The following MYO5A variants were observed in gnomAD, a reference collection of about 807,000 sequenced individuals.
MYO5A encodes the protein myosin VA, also known as unconventional myosin-Va.
A neutral mutation model predicts 249.7 loss-of-function variants in MYO5A; 98 were observed. The observed-to-expected ratio is 0.39, with a 90% confidence interval of 0.33 to 0.46. The LOEUF (loss-of-function observed/expected upper bound fraction) is 0.46. MYO5A is among the 20% of genes least tolerant of loss of function. The pLI is 0.98. For synonymous variants in MYO5A, 778 were observed against 810.6 expected (o/e 0.96, Z 0.68); for missense variants, 1,696 against 2,308.8 (o/e 0.73, Z 5.44).
intron 11 of MYO5A, among the ~76,000 whole-genome samples, chr15:52,392,556 G>C (rs1022851801): frequency 6.6e-6 from 1 of 152,216 alleles, no homozygotes; most frequent in Admixed American, 6.5e-5. Context: ...GTTAATGACT[G>C]GTCTTTCTCC....
intron 13 of MYO5A, 93 bp from the exon 14 acceptor site, chr15:52,388,005 A>G: frequency 1.0e-6 from 1 of 954,188 alleles, no homozygotes; most frequent in Non-Finnish European, 1.6e-6. Flanking sequence ...GTCTCAGGCT[A>G]TACGATCAAC....
At chr15:52,451,328 C>T (rs1374189834) in intron 1 of MYO5A, among the ~76,000 whole-genome samples, 1 of 152,174 alleles carries the variant, frequency 6.6e-6, no homozygotes, top group Non-Finnish European at 1.5e-5. Context: ...ATCTCTACAG[C>T]CACCACCAAA....
chr15:52,487,480 T>A (rs138465619), intron 1 of MYO5A, among the ~76,000 whole-genome samples: 4 of 151,864 alleles, frequency 2.6e-5, no homozygotes, highest in Non-Finnish European at 4.4e-5. Context: ...TCGCAACACT[T>A]TGGGAGGCCG....
chr15:52,441,718 T>A (rs912735196), intron 1 of MYO5A, among the ~76,000 whole-genome samples: 3 of 152,226 alleles, frequency 2.0e-5, no homozygotes, highest in African/African-American at 7.2e-5. Context: ...TGGCTCTCCA[T>A]TCTCAACATC....
At chr15:52,346,657 T>C in intron 29 of MYO5A, 196 bp from the exon 30 acceptor site, 1 of 667,794 alleles carries the variant, frequency 1.5e-6, no homozygotes, top group South Asian at 1.5e-5. Context: ...GTACCTTCAG[T>C]TTTTCTCCTG....
At chr15:52,389,385 A>T (rs1339462567) in intron 12 of MYO5A, 22 bp from the exon 13 acceptor site, 5 of 1,606,978 alleles carry the variant, frequency 3.1e-6, no homozygotes. Context: ...GAAAAAAGGA[A>T]GAAAGAAAAC....
chr15:52,358,004 C>A (rs2040331343), intron 25 of MYO5A, among the ~76,000 whole-genome samples: 1 of 152,134 alleles, frequency 6.6e-6, no homozygotes, highest in South Asian at 2.1e-4. Context: ...TGACCCTTCC[C>A]AGAGGTGAAA....
intron 29 of MYO5A, among the ~76,000 whole-genome samples, chr15:52,347,912 G>C (rs1278369895): frequency 6.6e-6 from 1 of 152,114 alleles, no homozygotes; most frequent in African/African-American, 2.4e-5. Context: ...GCCATACTCA[G>C]ATTTTTAAAA....
intron 15 of MYO5A, 23 bp from the exon 16 acceptor site, chr15:52,383,211 G>A (rs985311301): frequency 3.8e-6 from 6 of 1,559,860 alleles, no homozygotes; most frequent in Admixed American, 1.7e-5. Context: ...GGGCAGAAGA[G>A]GGTATCAAGG....
At chr15:52,496,231 G>A (rs2077035653) in intron 1 of MYO5A, among the ~76,000 whole-genome samples, 1 of 152,172 alleles carries the variant, frequency 6.6e-6, no homozygotes, top group Non-Finnish European at 1.5e-5. Flanking sequence ...GACAGGACTG[G>A]AAGCAGGGCT....
chr15:52,447,552 G>C (rs1250321104), intron 1 of MYO5A, among the ~76,000 whole-genome samples: 1 of 152,174 alleles, frequency 6.6e-6, no homozygotes, highest in Non-Finnish European at 1.5e-5. Flanking sequence ...AGTGGCTTTA[G>C]ACCTGGGTAA....
chr15:52,317,394 G>T (rs1160020172), intron 39 of MYO5A, among the ~76,000 whole-genome samples, 172 bp from the exon 40 acceptor site: 1 of 152,000 alleles, frequency 6.6e-6, no homozygotes, highest in Non-Finnish European at 1.5e-5. Flanking sequence ...TAGTCATGAG[G>T]ATTATAATCA....
chr15:52,380,382 G>A (rs190630606), intron 16 of MYO5A, among the ~76,000 whole-genome samples: 51 of 152,202 alleles, frequency 3.4e-4, no homozygotes, highest in African/African-American at 1.2e-3. Flanking sequence ...GTTGCAGTGA[G>A]CCAAGATCGC....
chr15:52,337,715 TTCCTGGG>T, intron 33 of MYO5A, 88 bp downstream of exon 33: 1 of 911,600 alleles, frequency 1.1e-6, no homozygotes, highest in Middle Eastern at 2.2e-4. Context: ...TTGAAGAGAC[TTCCTGGG>T]AGGGGGCAGG....
At chr15:52,526,090 T>C (rs2077725138) in intron 1 of MYO5A, among the ~76,000 whole-genome samples, 1 of 152,206 alleles carries the variant, frequency 6.6e-6, no homozygotes. Context: ...GACTATTAAT[T>C]AGGCATAAGT....
intron 1 of MYO5A, among the ~76,000 whole-genome samples, chr15:52,520,478 C>G (rs145666320): frequency 1.3e-5 from 2 of 152,280 alleles, no homozygotes; most frequent in Non-Finnish European, 2.9e-5. Context: ...CTTTTCACCC[C>G]TAAAAAAAGC....
intron 1 of MYO5A, among the ~76,000 whole-genome samples, chr15:52,506,208 G>A (rs1390259003): frequency 7.9e-5 from 12 of 152,046 alleles, no homozygotes; most frequent in South Asian, 2.1e-4. Context: ...AAAATTAGCC[G>A]GGCATGGTGG....
At chr15:52,393,140 T>G (rs1422017725) in intron 11 of MYO5A, among the ~76,000 whole-genome samples, 2 of 152,324 alleles carry the variant, frequency 1.3e-5, no homozygotes, top group Middle Eastern at 3.4e-3. Context: ...TACTCATTCT[T>G]GGGGAGTTTC....
intron 36 of MYO5A, among the ~76,000 whole-genome samples, chr15:52,325,364 C>A (rs2038546717): frequency 6.6e-6 from 1 of 151,308 alleles, no homozygotes; most frequent in Non-Finnish European, 1.5e-5. Flanking sequence ...AATAATCCAG[C>A]ATCTGTTTTC....
Sources: allele counts gnomAD v4.1 joint callset (sites outside exome capture counted in the v4.1 genomes callset), GRCh38; gene constraint gnomAD v4.1.1; transcripts MANE v1.5; gene names NCBI Gene and HGNC (gene_info 2026-07-23, HGNC 2026-07-21).